NOVA2: variants seen among roughly 807,000 people sequenced by gnomAD.
NOVA2 encodes the protein NOVA alternative splicing regulator 2.
A neutral mutation model predicts 22.5 loss-of-function variants in NOVA2; 9 were observed. That is an observed-to-expected ratio of 0.40 (90% CI 0.24 to 0.70). NOVA2 has a LOEUF of 0.70. NOVA2 is among the 30% of genes least tolerant of loss of function. NOVA2 has a pLI of 0.38. For missense variants in NOVA2, 383 were observed against 682.8 expected (o/e 0.56, Z 4.89); for synonymous variants, 318 against 335.2 (o/e 0.95, Z 0.56).
rs1265687761 is a variant in NOVA2 at position 45,940,436 on chromosome 19, C to G, written c.906G>C (p.Ser302=). Residue 302 remains serine, a synonymous_variant, in exon 4 of 4, where the codon TCG becomes TCC. Transcript: ENST00000263257. ...NTNSLGLGLN[S]AAASGVLAAV... ...CGGCCAGGACGCCGGAAGCTGCGGC[C>G]GAGTTGAGGCCCAGGCCCAGGGAGT... 1.1e-5 allele frequency: 17 copies of G among 1,508,300 alleles called. No individual in the cohort carries two copies. Among genetic ancestry groups the G allele is most frequent in the African/African-American group, 1.5e-5 (1 of 68,400 alleles). 93.4% of individuals were successfully genotyped at this position (1,508,300 alleles called of 1,614,324 possible). A position where few individuals can be genotyped will look rare whatever the true frequency, so the allele number is the denominator to read the frequency against.
At chr19:45,961,266 A>C in intron 1 of NOVA2, 113 bp from the exon 2 acceptor site, 1 of 644,896 alleles carries the variant, frequency 1.6e-6, no homozygotes, top group Non-Finnish European at 2.7e-6. Flanking sequence ...GAATAATACA[A>C]ATAATGATCT....
chr19:45,973,141 C>T (rs1431045237), intron 1 of NOVA2, 126 bp downstream of exon 1: 13 of 307,550 alleles, frequency 4.2e-5, no homozygotes, highest in Non-Finnish European at 7.7e-5. Flanking sequence ...CTCTGTCCCC[C>T]GCCTCGGGGA....
chr19:45,955,719 G>A (rs953789414), intron 2 of NOVA2, among the ~76,000 whole-genome samples: 3 of 152,056 alleles, frequency 2.0e-5, no homozygotes, highest in East Asian at 1.9e-4. Flanking sequence ...TTAGCTGGGC[G>A]TGGTGGCACG....
chr19:45,949,288 T>C (rs1055249753), intron 3 of NOVA2, among the ~76,000 whole-genome samples: 3 of 142,554 alleles, frequency 2.1e-5, no homozygotes, highest in African/African-American at 7.9e-5. Flanking sequence ...AAGCTTACAG[T>C]ATGTGAATTA....
Position 45,953,943 on chromosome 19 carries a change from G to C in NOVA2, c.233C>G (p.Thr78Ser). The C allele has an allele frequency of 6.2e-7, 1 of 1,614,052 alleles. No individual in the cohort carries two copies. The highest frequency in any genetic ancestry group is 8.5e-7 in the Non-Finnish European group (1 of 1,179,918). The change falls in exon 3 of 4, where the codon ACC (threonine) becomes AGC (serine). Residue 78 changes from threonine (T) to serine (S), a missense_variant. Transcript: ENST00000263257. Reference protein sequence around the residue: ...LSKSKDFYPGTTERVCLVQGT... With the variant: ...LSKSKDFYPGSTERVCLVQGT... Reference sequence around the variant, plus strand: ...CTGTACTAGGCATACCCGCTCTGTGGTTCCTGTTGAGCAAGGGAGAGAGAG... The same window carrying C: ...CTGTACTAGGCATACCCGCTCTGTGCTTCCTGTTGAGCAAGGGAGAGAGAG...
intron 3 of NOVA2, among the ~76,000 whole-genome samples, chr19:45,953,275 G>A (rs1967953556): frequency 6.6e-6 from 1 of 152,234 alleles, no homozygotes; most frequent in African/African-American, 2.4e-5. Flanking sequence ...CCTTCCTGGA[G>A]AGGGCTGTGT....
intron 2 of NOVA2, among the ~76,000 whole-genome samples, chr19:45,960,138 G>A (rs1042985547): frequency 1.3e-5 from 2 of 151,832 alleles, no homozygotes; most frequent in Admixed American, 6.6e-5. Context: ...GACTGGGTTT[G>A]GAGGAAGGGA....
rs754177721 is a variant in NOVA2 at position 45,973,392 on chromosome 19, TGCGGCGGCG to T, written c.-50_-42del. On this transcript the variant is annotated 5_prime_UTR_variant, in exon 1 of 4. Coordinates refer to ENST00000263257, the MANE Select transcript of NOVA2 (RefSeq NM_002516.4). ...CGGCGGCTGCTGCTGCTGCGGCGGCTGCGGCGGCGGCGGCGGCGGCTGCTGTGGCGGCGG... is the reference window on the plus strand; with the variant it reads ...CGGCGGCTGCTGCTGCTGCGGCGGCTGCGGCGGCGGCTGCTGTGGCGGCGG... 3.8e-4 allele frequency: 215 copies of T among 562,132 alleles called. No homozygotes were observed. The highest frequency in any genetic ancestry group is 5.4e-4 in the African/African-American group (24 of 44,490). 34.8% of individuals were successfully genotyped at this position (562,132 alleles called of 1,614,324 possible).
intron 2 of NOVA2, among the ~76,000 whole-genome samples, chr19:45,954,313 G>A (rs1036217733): frequency 1.8e-4 from 27 of 152,208 alleles, no homozygotes; most frequent in East Asian, 3.9e-4. Flanking sequence ...CACTCACTCC[G>A]CCCCCCTCCC....
chr19:45,939,665 G>T lies in NOVA2; in HGVS notation c.*198C>A. The T allele has an allele frequency of 3.1e-6, 2 of 654,106 alleles. No homozygotes were observed. Among genetic ancestry groups the T allele is most frequent in the Non-Finnish European group, 5.1e-6 (2 of 390,910 alleles). 40.5% of individuals were successfully genotyped at this position (654,106 alleles called of 1,614,324 possible). On this transcript the variant is annotated 3_prime_UTR_variant, in exon 4 of 4. Coordinates refer to ENST00000263257, the MANE Select transcript of NOVA2 (RefSeq NM_002516.4). ...GGGTCAGTTCCGGGCTGGGGAGGGGGCTTCTGAGCCCCCTTCCCAACCGTC... is the reference window on the plus strand; with the variant it reads ...GGGTCAGTTCCGGGCTGGGGAGGGGTCTTCTGAGCCCCCTTCCCAACCGTC...
intron 1 of NOVA2, among the ~76,000 whole-genome samples, chr19:45,971,915 A>T (rs545831401): frequency 1.6e-4 from 25 of 151,932 alleles, no homozygotes; most frequent in African/African-American, 5.3e-4. Flanking sequence ...TCTCTGGTAC[A>T]CACACCTCCT....
chr19:45,958,564 T>C (rs1057026596), intron 2 of NOVA2, among the ~76,000 whole-genome samples: 1 of 143,784 alleles, frequency 7.0e-6, no homozygotes, highest in African/African-American at 2.5e-5. Flanking sequence ...TGTGTGTGGG[T>C]GTGAGGGTGT....
chr19:45,954,117 C>G (rs773319281), intron 2 of NOVA2, among the ~76,000 whole-genome samples, 171 bp from the exon 3 acceptor site: 7 of 152,208 alleles, frequency 4.6e-5, no homozygotes, highest in Non-Finnish European at 1.0e-4. Context: ...TGATGGGCAG[C>G]TGGGAGAATG....
chr19:45,940,003 C>T lies in NOVA2; in HGVS notation c.1339G>A (p.Glu447Lys). 2 of 1,614,096 alleles carry T rather than the reference C, an allele frequency of 1.2e-6. No homozygotes were observed. The highest frequency in any genetic ancestry group is 1.3e-5 in the African/African-American group (1 of 75,056). ...GARIQISKKG[E>K]FLPGTRNRRV... ...CGGTTCCGCGTGCCTGGCAGGAACT[C>T]GCCCTTCTTGGAGATCTGGATGCGA... Residue 447 changes from glutamate (E) to lysine (K), a missense_variant, in exon 4 of 4, where the codon GAG becomes AAG. Transcript: ENST00000263257.
At chr19:45,945,700 A>G (rs1202331967) in intron 3 of NOVA2, among the ~76,000 whole-genome samples, 2 of 152,088 alleles carry the variant, frequency 1.3e-5, no homozygotes, top group African/African-American at 2.4e-5. Context: ...CTATATGTGT[A>G]TATATGAATA....
intron 1 of NOVA2, among the ~76,000 whole-genome samples, chr19:45,969,365 G>A (rs1968205151): frequency 6.6e-6 from 1 of 151,774 alleles, no homozygotes; most frequent in Admixed American, 6.6e-5. Flanking sequence ...GAATTAGTCA[G>A]GCTTGGTGGT....
intron 3 of NOVA2, among the ~76,000 whole-genome samples, chr19:45,949,383 C>T (rs914353055): frequency 6.0e-5 from 9 of 149,270 alleles, no homozygotes; most frequent in Non-Finnish European, 1.2e-4. Flanking sequence ...GAAGATGGAA[C>T]AGCATGTTCA....
intron 2 of NOVA2, among the ~76,000 whole-genome samples, chr19:45,958,463 C>T (rs764544781): frequency 8.1e-5 from 12 of 147,484 alleles, no homozygotes; most frequent in East Asian, 6.0e-4. Context: ...TGTGTGTAAG[C>T]GTGTGTGTGA....
At chr19:45,957,044 T>G (rs962319798) in intron 2 of NOVA2, among the ~76,000 whole-genome samples, 2 of 152,256 alleles carry the variant, frequency 1.3e-5, no homozygotes, top group African/African-American at 4.8e-5. Context: ...AAAAAGAATA[T>G]GAATGTATTA....
Sources: gnomAD v4.1 joint callset for allele counts (sites outside exome capture counted in the v4.1 genomes callset) on GRCh38, gnomAD v4.1.1 for gene constraint, MANE v1.5 for transcripts, NCBI Gene and HGNC (gene_info 2026-07-23, HGNC 2026-07-21) for gene names.